Variants in CHCHD6 observed in about 807,000 individuals in gnomAD.
CHCHD6 encodes MICOS complex subunit MIC25.
A neutral mutation model predicts 32.3 loss-of-function variants in CHCHD6; 28 were observed. The observed-to-expected ratio is 0.87, with a 90% CI of 0.64 to 1.19. The LOEUF (loss-of-function observed/expected upper bound fraction) is 1.19, where lower values mean the gene tolerates loss of function less well. Ranked by LOEUF, CHCHD6 falls within the 50% of genes most tolerant of loss-of-function variation. The probability of loss-of-function intolerance (pLI) is 0.00; values close to 1 mark genes in which losing one functional copy is unlikely to be tolerated. For missense variants in CHCHD6, 333 were observed against 307.0 expected (o/e 1.08, Z -0.63); for synonymous variants, 122 against 117.5 (o/e 1.04, Z -0.25).
intron 5 of CHCHD6, among the ~76,000 whole-genome samples, chr3:126,888,718 C>G (rs1011389131): frequency 6.6e-6 from 1 of 152,198 alleles, no homozygotes; most frequent in Non-Finnish European, 1.5e-5. Context: ...AAGCATAGAC[C>G]TGCTCTCTGG....
At chr3:126,867,281 A>C (rs569895692) in intron 5 of CHCHD6, among the ~76,000 whole-genome samples, 1 of 152,312 alleles carries the variant, frequency 6.6e-6, no homozygotes, top group Admixed American at 6.5e-5. Context: ...TATTGTTGCT[A>C]GGGTCCTTTT....
chr3:126,804,515 A>G (rs1295958494), intron 4 of CHCHD6, among the ~76,000 whole-genome samples: 1 of 152,248 alleles, frequency 6.6e-6, no homozygotes, highest in Non-Finnish European at 1.5e-5. Context: ...TAAACCAGGA[A>G]GAAGTTGAAT....
intron 1 of CHCHD6, 50 bp downstream of exon 1, chr3:126,704,449 G>C (rs770458773): frequency 3.7e-5 from 46 of 1,253,438 alleles, no homozygotes; most frequent in Non-Finnish European, 4.5e-5. Context: ...GCGGGCGCGG[G>C]GGGGAGGTGC....
chr3:126,748,828 C>T (rs1468037035), intron 4 of CHCHD6, among the ~76,000 whole-genome samples: 1 of 152,162 alleles, frequency 6.6e-6, no homozygotes, highest in Non-Finnish European at 1.5e-5. Context: ...CCGGGCTGGG[C>T]TGGCCATCCA....
At position 126,914,158 on chromosome 3, in the gene CHCHD6, C is replaced by T. The variant is rs536837157; in HGVS notation, c.496-522C>T. On this transcript the variant is annotated intron_variant, in intron 5 of 7. Coordinates refer to ENST00000290913, the MANE Select transcript of CHCHD6 (RefSeq NM_032343.3). ...CTGAGTTGTAGTCCTTACACTGCCC[C>T]GTTGCTCTGTGACTTTGGAGAAGTC... is the stretch of plus-strand genomic sequence containing the variant. Among the ~76,000 whole-genome samples the T allele has an allele frequency of 2.6e-5, 4 of 152,260 alleles. No individual in the cohort carries two copies. The East Asian group carries it at 5.8e-4, about 22-fold the overall frequency.
chr3:126,780,504 A>G (rs1269173829), intron 4 of CHCHD6: 1 of 200,668 alleles, frequency 5.0e-6, no homozygotes, highest in Non-Finnish European at 1.0e-5. Flanking sequence ...TATTTTCTGT[A>G]CTTTCTTTTC....
chr3:126,863,047 ACCTCCT>A (rs1290395811), intron 5 of CHCHD6, among the ~76,000 whole-genome samples: 1 of 40,198 alleles, frequency 2.5e-5, no homozygotes, highest in Non-Finnish European at 4.5e-5. Flanking sequence ...CACCATCACC[ACCTCCT>A]CCTCCTCCTC....
chr3:126,892,942 T>G (rs1217949896), intron 5 of CHCHD6, among the ~76,000 whole-genome samples: 3 of 151,504 alleles, frequency 2.0e-5, no homozygotes, highest in African/African-American at 7.3e-5. Context: ...TTTTCTTTTT[T>G]TGTTGTTGTT....
At chr3:126,758,218 G>A (rs1216583471) in intron 4 of CHCHD6, among the ~76,000 whole-genome samples, 10 of 152,216 alleles carry the variant, frequency 6.6e-5, no homozygotes, top group Admixed American at 6.5e-4. Context: ...TCTTTCTGTG[G>A]CCATCAGCGC....
At chr3:126,952,834 G>C (rs1159642674) in intron 6 of CHCHD6, among the ~76,000 whole-genome samples, 2 of 152,162 alleles carry the variant, frequency 1.3e-5, no homozygotes, top group Non-Finnish European at 2.9e-5. Context: ...TGGGGCCTCT[G>C]GACTCTGCTG....
intron 4 of CHCHD6, among the ~76,000 whole-genome samples, chr3:126,813,526 C>T (rs1939748759): frequency 6.6e-6 from 1 of 152,202 alleles, no homozygotes; most frequent in African/African-American, 2.4e-5. Flanking sequence ...GTACTGGCCA[C>T]TACTGAGGAG....
intron 5 of CHCHD6, among the ~76,000 whole-genome samples, chr3:126,890,927 A>C (rs545563983): frequency 6.6e-6 from 1 of 152,254 alleles, no homozygotes; most frequent in African/African-American, 2.4e-5. Flanking sequence ...TTGAAGCTAC[A>C]TGGTCCTGAA....
At chr3:126,872,406 T>C (rs1420337628) in intron 5 of CHCHD6, among the ~76,000 whole-genome samples, 1 of 152,238 alleles carries the variant, frequency 6.6e-6, no homozygotes, top group East Asian at 1.9e-4. Context: ...AGATCCTATT[T>C]GGGGCAACTT....
intron 4 of CHCHD6, among the ~76,000 whole-genome samples, chr3:126,828,325 A>G (rs1940494553): frequency 6.6e-6 from 1 of 152,102 alleles, no homozygotes; most frequent in African/African-American, 2.4e-5. Flanking sequence ...TTCTCTTCCC[A>G]CTGGCTTCAG....
At chr3:126,721,193 C>CT (rs1309814390) in intron 1 of CHCHD6, among the ~76,000 whole-genome samples, 1 of 152,202 alleles carries the variant, frequency 6.6e-6, no homozygotes, top group Non-Finnish European at 1.5e-5. Flanking sequence ...TGCTCACAAA[C>CT]TTTCAGCGTC....
Position 126,957,781 on chromosome 3 carries a change from TG to T in CHCHD6, c.702+231del, listed in dbSNP as rs992288297. On this transcript the variant is annotated intron_variant, in intron 7 of 7. Transcript: ENST00000290913. ...CATCTGGCCCCAGGGAGATGATCCC[TG>T]TTGCGTTTGCCCTATTAGGCTGGGT... The T allele has an allele frequency of 8.2e-6, 5 of 611,692 alleles. No homozygotes were observed. The Admixed American group carries it at 1.0e-4, about 13-fold the overall frequency. 37.9% of individuals were successfully genotyped at this position (611,692 alleles called of 1,614,324 possible).
chr3:126,925,892 C>G (rs777865965), intron 6 of CHCHD6, among the ~76,000 whole-genome samples: 3 of 152,218 alleles, frequency 2.0e-5, no homozygotes, highest in African/African-American at 7.2e-5. Flanking sequence ...TGATGGTGAT[C>G]TAGAACTTAA....
At chr3:126,815,972 G>A (rs1939878537) in intron 4 of CHCHD6, among the ~76,000 whole-genome samples, 1 of 152,104 alleles carries the variant, frequency 6.6e-6, no homozygotes, top group Admixed American at 6.5e-5. Context: ...TACTTAGAAG[G>A]CACTTTCCCC....
rs762304580 is a variant in CHCHD6 at position 126,914,698 on chromosome 3, C to T, written c.514C>T (p.Leu172=). ...IERKNAEMYK[L]SSEQFHEAAS... ...CTTGTAGAATGCTGAGATGTATAAA[C>T]TGTCTTCAGAGCAATTCCATGAGGC... Residue 172 remains leucine (L), a synonymous_variant, in exon 6 of 8, where the codon CTG becomes TTG. Coordinates refer to ENST00000290913, the MANE Select transcript of CHCHD6 (RefSeq NM_032343.3). 2 of 1,592,372 alleles carry T rather than the reference C, an allele frequency of 1.3e-6. No homozygotes were observed. The highest frequency in any genetic ancestry group is 2.2e-5 in the South Asian group (2 of 90,628).
Sources: allele counts gnomAD v4.1 joint callset (sites outside exome capture counted in the v4.1 genomes callset), GRCh38; gene constraint gnomAD v4.1.1; transcripts MANE v1.5; gene names NCBI Gene and HGNC (gene_info 2026-07-23, HGNC 2026-07-21).